CERT1: variants seen among roughly 807,000 people sequenced by gnomAD.
CERT1 encodes the protein ceramide transporter 1.
A neutral mutation model predicts 87.9 loss-of-function variants in CERT1; 31 were observed. That is an observed-to-expected ratio of 0.35 (90% CI 0.27 to 0.48). The LOEUF is 0.48. Ranked by LOEUF, CERT1 falls within the 20% of genes least tolerant of loss-of-function variation. CERT1 has a pLI of 0.99. For missense variants in CERT1, 487 were observed against 758.0 expected, an observed-to-expected ratio of 0.64 and a Z score of 4.20; for synonymous variants, 289 against 250.9, an observed-to-expected ratio of 1.15 and a Z score of -1.44.
intron 11 of CERT1, among the ~76,000 whole-genome samples, chr5:75,392,730 G>A (rs1580707040): frequency 6.6e-6 from 1 of 152,018 alleles, no homozygotes; most frequent in Admixed American, 6.6e-5. Flanking sequence ...AGCACTTTGG[G>A]AGGCTGAGGC....
intron 2 of CERT1, among the ~76,000 whole-genome samples, chr5:75,467,653 A>AAG (rs1765519615): frequency 6.8e-6 from 1 of 146,676 alleles, no homozygotes; most frequent in Non-Finnish European, 1.5e-5. Context: ...AAAAAAAGAA[A>AAG]AAAAAAAAAA....
chr5:75,414,609 G>A (rs1385360701), intron 7 of CERT1, among the ~76,000 whole-genome samples: 1 of 151,988 alleles, frequency 6.6e-6, no homozygotes, highest in Non-Finnish European at 1.5e-5. Flanking sequence ...GACATGACTG[G>A]CTAACAATTA....
chr5:75,511,314 G>A lies in CERT1; in HGVS notation c.-107C>T, dbSNP rs1163273859. 1.3e-6 allele frequency: 2 copies of A among 1,549,926 alleles called. No homozygotes were observed. Among genetic ancestry groups the A allele is most frequent in the Non-Finnish European group, 1.7e-6 (2 of 1,147,390 alleles). ...GTCGGGGGATGGCGAAGCGAAGAGT[G>A]CCCGCTCCGGTGTGGGGGGGAGCAG... On this transcript the variant is annotated 5_prime_UTR_variant, in exon 1 of 17. Coordinates refer to ENST00000643780, the MANE Select transcript of CERT1 (RefSeq NM_001379029.1).
chr5:75,509,688 T>C (rs767013233), intron 1 of CERT1, among the ~76,000 whole-genome samples: 24 of 152,134 alleles, frequency 1.6e-4, no homozygotes, highest in Non-Finnish European at 3.1e-4. Flanking sequence ...GTAAAATACT[T>C]AACACATCAC....
At chr5:75,511,926 G>T (rs1768037794), upstream of CERT1, 1 of 1,146,034 alleles carries the variant, frequency 8.7e-7, no homozygotes, top group Non-Finnish European at 1.2e-6. Flanking sequence ...TGAGTATCCC[G>T]CGCGGGGATC....
chr5:75,459,120 C>T lies in CERT1; in HGVS notation c.293G>A (p.Arg98His), dbSNP rs1278875299. 6 of 1,613,130 alleles carry T rather than the reference C, an allele frequency of 3.7e-6. No homozygotes were observed. Among genetic ancestry groups the T allele is most frequent in the Non-Finnish European group, 5.1e-6 (6 of 1,179,298 alleles). ...ISVNDSVWYL[R>H]AQDPDHRQQW... is the part of the protein sequence containing the mutation. ...CTGTCTATGATCTGGATCCTGAGCA[C>T]GAAGATACCAAACACTATCATTTAC... Residue 98 changes from arginine (R) to histidine (H), a missense_variant, in exon 3 of 17, where the codon CGT becomes CAT. Physicochemically the swap from Arg to His is conservative, Grantham distance 29. Around this residue, in one of 8 missense-constraint regions of CERT1, gnomAD observed 173 missense variants for 302.2 expected, o/e 0.57. Coordinates refer to ENST00000643780, the MANE Select transcript of CERT1 (RefSeq NM_001379029.1).
chr5:75,411,834 C>T (rs1229537386), intron 7 of CERT1, among the ~76,000 whole-genome samples: 1 of 152,056 alleles, frequency 6.6e-6, no homozygotes, highest in Non-Finnish European at 1.5e-5. Flanking sequence ...CAAGTAATAC[C>T]AGAAAAGAAC....
chr5:75,432,542 A>G (rs1279300724), intron 3 of CERT1, among the ~76,000 whole-genome samples: 1 of 152,158 alleles, frequency 6.6e-6, no homozygotes, highest in Non-Finnish European at 1.5e-5. Context: ...TCCTTTGCCC[A>G]TCGTTTAATG....
In CERT1 at chr5:75,381,160, C is replaced by G; in HGVS notation, c.1659G>C (p.Met553Ile). Residue 553 changes from methionine (M) to isoleucine (I), a missense_variant, in exon 16 of 17, where the codon ATG (methionine) becomes ATC (isoleucine). By Grantham distance (10) the Met-to-Ile change is conservative. Transcript: ENST00000643780. Reference sequence around the variant, plus strand: ...GTGGGCTTACCAAGGTTTGACAAATCATAGCAACATTTATTTTGGCACGGA... The same window carrying G: ...GTGGGCTTACCAAGGTTTGACAAATGATAGCAACATTTATTTTGGCACGGA... ...RCVRAKINVA[M>I]ICQTLVSPPE... 6.2e-7 allele frequency: 1 copy of G among 1,614,122 alleles called. No homozygotes were observed. The highest frequency in any genetic ancestry group is 1.1e-5 in the South Asian group (1 of 91,084).
rs1766538947 is a variant in CERT1 at position 75,486,688 on chromosome 5, T to C, written c.231+19294A>G. ...CACAAAAATCAACAGCATGTCTATA[T>C]GCCAATAAAAACCTGAAAAAGAAAT... On this transcript the variant is annotated intron_variant, in intron 2 of 16. Transcript: ENST00000643780. Among the ~76,000 whole-genome samples, 3 of 151,958 alleles carry C rather than the reference T, an allele frequency of 2.0e-5. No homozygotes were observed. The South Asian group carries it at 6.2e-4, about 31-fold the overall frequency.
At chr5:75,387,356 T>C (rs1761833026) in intron 12 of CERT1, among the ~76,000 whole-genome samples, 1 of 152,206 alleles carries the variant, frequency 6.6e-6, no homozygotes, top group African/African-American at 2.4e-5. Flanking sequence ...TTTTCTACTG[T>C]TCTAGGTAGG....
intron 3 of CERT1, among the ~76,000 whole-genome samples, chr5:75,428,778 T>A (rs1580756998): frequency 6.9e-6 from 1 of 144,592 alleles, no homozygotes; most frequent in African/African-American, 2.9e-5. Context: ...AACCAAACTG[T>A]TAATTCATTA....
chr5:75,494,032 T>C (rs1308171853), intron 2 of CERT1, among the ~76,000 whole-genome samples: 1 of 152,096 alleles, frequency 6.6e-6, no homozygotes, highest in African/African-American at 2.4e-5. Context: ...TTAAAAATAC[T>C]GACAAATTTC....
At chr5:75,500,793 G>A (rs1305494429) in intron 2 of CERT1, among the ~76,000 whole-genome samples, 1 of 152,000 alleles carries the variant, frequency 6.6e-6, no homozygotes, top group African/African-American at 2.4e-5. Flanking sequence ...ACTATTTATG[G>A]CACTAATCAT....
intron 3 of CERT1, among the ~76,000 whole-genome samples, chr5:75,434,406 G>C (rs767473732): frequency 4.6e-5 from 7 of 152,016 alleles, no homozygotes; most frequent in Non-Finnish European, 1.0e-4. Flanking sequence ...CTAATATTTT[G>C]CTGAGGATTT....
At chr5:75,412,944 T>C (rs1247060990) in intron 7 of CERT1, among the ~76,000 whole-genome samples, 1 of 152,202 alleles carries the variant, frequency 6.6e-6, no homozygotes, top group Non-Finnish European at 1.5e-5. Context: ...TTACTGTAAC[T>C]TTTACTTTAT....
At chr5:75,373,371 T>C (rs1761154238), downstream of CERT1, 1 of 152,244 alleles carries the variant, frequency 6.6e-6, no homozygotes, top group Admixed American at 6.5e-5. Flanking sequence ...CAACAAGATT[T>C]GTACAGATGT....
chr5:75,418,972 G>C (rs1285254439), intron 6 of CERT1, among the ~76,000 whole-genome samples: 1 of 152,058 alleles, frequency 6.6e-6, no homozygotes, highest in Admixed American at 6.5e-5. Context: ...TCTCAATAAA[G>C]CTTTTTTAAA....
chr5:75,479,543 G>A (rs1400044136), intron 2 of CERT1, among the ~76,000 whole-genome samples: 2 of 152,152 alleles, frequency 1.3e-5, no homozygotes, highest in Admixed American at 6.5e-5. Context: ...ATGAGAACAT[G>A]TGGTACTCTT....
Sources: allele counts gnomAD v4.1 joint callset (sites outside exome capture counted in the v4.1 genomes callset), GRCh38; gene constraint gnomAD v4.1.1; regional missense constraint gnomAD v4.1.1; transcripts MANE v1.5; gene names NCBI Gene and HGNC (gene_info 2026-07-23, HGNC 2026-07-21).